EXT1: variants seen among roughly 807,000 people sequenced by gnomAD.
EXT1 encodes exostosin glycosyltransferase 1.
EXT1 carries 20 observed loss-of-function variants against 82.5 expected under a neutral mutation model. That is an observed-to-expected ratio of 0.24 (90% CI 0.17 to 0.35). EXT1 has a LOEUF of 0.35. EXT1 is among the 10% of genes least tolerant of loss of function. The probability of loss-of-function intolerance (pLI) is 1.00; values close to 1 mark genes in which losing one functional copy is unlikely to be tolerated. For missense variants in EXT1, 757 were observed against 936.5 expected (o/e 0.81, Z 2.50); for synonymous variants, 348 against 350.8 (o/e 0.99, Z 0.09).
At chr8:117,976,497 A>C (rs1004904893) in intron 1 of EXT1, among the ~76,000 whole-genome samples, 3 of 152,232 alleles carry the variant, frequency 2.0e-5, no homozygotes, top group Non-Finnish European at 4.4e-5. Flanking sequence ...ACATAATGGC[A>C]AGTTACAGAA....
intron 1 of EXT1, among the ~76,000 whole-genome samples, chr8:118,000,603 C>T (rs140084782): frequency 1.4e-4 from 22 of 152,326 alleles, no homozygotes; most frequent in Admixed American, 1.2e-3. Context: ...GCAATAAATA[C>T]GCCCTGACCT....
intron 1 of EXT1, among the ~76,000 whole-genome samples, chr8:117,895,317 G>A (rs1263678318): frequency 6.6e-6 from 1 of 152,170 alleles, no homozygotes; most frequent in African/African-American, 2.4e-5. Context: ...GGGTTTCAAT[G>A]TTTTAGTTGA....
chr8:117,925,253 C>T lies in EXT1; in HGVS notation c.963-88052G>A, dbSNP rs139976870. On this transcript the variant is annotated intron_variant, in intron 1 of 10. Coordinates refer to ENST00000378204, the MANE Select transcript of EXT1 (RefSeq NM_000127.3). ...CAGGAAAAGGCTCTAAGATCTGTGACAACAGGAGCTGTGTCTCTCTTATTC... is the reference window on the plus strand; with the variant it reads ...CAGGAAAAGGCTCTAAGATCTGTGATAACAGGAGCTGTGTCTCTCTTATTC... Among the ~76,000 whole-genome samples, 5 of 151,794 alleles carry T rather than the reference C, an allele frequency of 3.3e-5. No homozygotes were observed. The South Asian group carries it at 1.0e-3, about 32-fold the overall frequency.
intron 1 of EXT1, among the ~76,000 whole-genome samples, chr8:118,101,077 G>A (rs1817710983): frequency 6.6e-6 from 1 of 152,190 alleles, no homozygotes; most frequent in African/African-American, 2.4e-5. Flanking sequence ...GGAAATAGCA[G>A]GAAGATGAGT....
At chr8:118,026,938 G>C (rs1244311244) in intron 1 of EXT1, among the ~76,000 whole-genome samples, 3 of 152,164 alleles carry the variant, frequency 2.0e-5, no homozygotes, top group African/African-American at 7.2e-5. Flanking sequence ...AGGAATCTGA[G>C]TTACCAAAAA....
chr8:117,909,265 G>C (rs1166236291), intron 1 of EXT1, among the ~76,000 whole-genome samples: 2 of 152,150 alleles, frequency 1.3e-5, no homozygotes, highest in Non-Finnish European at 2.9e-5. Context: ...GTTGCAATTG[G>C]AAATTTAAAA....
chr8:117,837,432 A>G (rs1283112984), intron 1 of EXT1, among the ~76,000 whole-genome samples: 3 of 152,216 alleles, frequency 2.0e-5, no homozygotes, highest in African/African-American at 7.2e-5. Flanking sequence ...CAAGCAGTAT[A>G]TATAAAGACA....
intron 2 of EXT1, among the ~76,000 whole-genome samples, chr8:117,836,856 A>G (rs185785730): frequency 1.6e-3 from 242 of 152,294 alleles, no homozygotes; most frequent in African/African-American, 5.5e-3. Flanking sequence ...TGGCAATTAG[A>G]TTTGCCTTCT....
At chr8:118,062,385 G>A (rs1433343189) in intron 1 of EXT1, among the ~76,000 whole-genome samples, 1 of 152,160 alleles carries the variant, frequency 6.6e-6, no homozygotes, top group African/African-American at 2.4e-5. Context: ...CCAATGCTGT[G>A]CACTTCACGC....
intron 1 of EXT1, among the ~76,000 whole-genome samples, chr8:118,006,424 T>C (rs545670883): frequency 6.6e-6 from 1 of 152,314 alleles, no homozygotes; most frequent in African/African-American, 2.4e-5. Context: ...AGACCAAATA[T>C]GAGCTCTGCC....
chr8:118,022,629 C>T (rs562937232), intron 1 of EXT1, among the ~76,000 whole-genome samples: 52 of 150,412 alleles, frequency 3.5e-4, no homozygotes, highest in Non-Finnish European at 1.8e-4. Context: ...TGAGCCACCA[C>T]GCCTGGCCCA....
intron 1 of EXT1, among the ~76,000 whole-genome samples, chr8:117,853,122 G>C: frequency 6.6e-6 from 1 of 152,326 alleles, no homozygotes; most frequent in South Asian, 2.1e-4. Flanking sequence ...TTGGGAAAAC[G>C]AAGTATGTGT....
At chr8:118,028,255 T>C (rs373999712) in intron 1 of EXT1, among the ~76,000 whole-genome samples, 4 of 152,320 alleles carry the variant, frequency 2.6e-5, no homozygotes, top group African/African-American at 9.6e-5. Context: ...CCAAGGGCCA[T>C]GTTGGGGAAA....
At position 118,110,963 on chromosome 8, in the gene EXT1, A is replaced by T. The variant is rs1817892621; in HGVS notation, c.84T>A (p.Phe28Leu). The T allele has an allele frequency of 6.2e-7, 1 of 1,612,216 alleles. No homozygotes were observed. The highest frequency in any genetic ancestry group is 1.3e-5 in the African/African-American group (1 of 74,926). The change falls in exon 1 of 11, where the codon TTT (phenylalanine) becomes TTA (leucine). Residue 28 changes from phenylalanine (F) to leucine (L), a missense_variant. Physicochemically the swap from Phe to Leu is conservative, Grantham distance 22 (BLOSUM62 0). Coordinates refer to ENST00000378204, the MANE Select transcript of EXT1 (RefSeq NM_000127.3). The part of the protein sequence containing the change: ...ALLFYFGGLQ[F>L]RASRSHSRRE... ...TCCGGCTGTGGCTCCTCGATGCCCT[A>T]AACTGCAAGCCTCCGAAATAAAACA... is the stretch of plus-strand genomic sequence containing the variant.
intron 1 of EXT1, among the ~76,000 whole-genome samples, chr8:118,021,531 C>A (rs11562767): frequency 1.8e-3 from 281 of 152,236 alleles, no homozygotes; most frequent in Non-Finnish European, 2.2e-3. Flanking sequence ...TTCTGGAAGA[C>A]GGCCGATTTT....
rs73704900 is a variant in EXT1, at chr8:118,056,678, G to A, written c.962+53407C>T. Among the ~76,000 whole-genome samples the A allele has an allele frequency of 2.8e-3, 431 of 152,222 alleles. 3 individuals carry two copies. Among genetic ancestry groups the A allele is most frequent in the African/African-American group, 8.8e-3 (364 of 41,498 alleles). The stretch of plus-strand genomic sequence containing the variant: ...AGGCTAGGAAGGAGCCTAGTGCTGG[G>A]GGGTCCTCTGGCCTAGACAGTAAGC... On this transcript the variant is annotated intron_variant, in intron 1 of 10. Transcript: ENST00000378204.
chr8:118,018,891 A>G (rs956265135), intron 1 of EXT1, among the ~76,000 whole-genome samples: 1 of 152,076 alleles, frequency 6.6e-6, no homozygotes, highest in South Asian at 2.1e-4. Context: ...CTTTTTTCCA[A>G]TACAGACATA....
intron 1 of EXT1, among the ~76,000 whole-genome samples, chr8:117,897,591 CTTTTT>C (rs34963536): frequency 3.3e-5 from 3 of 90,656 alleles, no homozygotes; most frequent in Admixed American, 1.4e-4. Flanking sequence ...CTTCTTTTCT[CTTTTT>C]TTTTTTTTTT....
chr8:118,022,326 CTTTTTTTTTTTTTT>C (rs71307420), intron 1 of EXT1, among the ~76,000 whole-genome samples: 2 of 46,176 alleles, frequency 4.3e-5, no homozygotes, highest in African/African-American at 7.6e-5. Flanking sequence ...CATATATATT[CTTTTTTTTTTTTTT>C]TTTTTTTTTT....
Sources: allele counts gnomAD v4.1 joint callset (sites outside exome capture counted in the v4.1 genomes callset), GRCh38; gene constraint gnomAD v4.1.1; transcripts MANE v1.5; gene names NCBI Gene and HGNC (gene_info 2026-07-23, HGNC 2026-07-21).